Variants in TBCK observed in about 807,000 individuals in gnomAD.
TBCK encodes TBC domain-containing protein kinase-like protein.
Under a neutral mutation model 113.4 loss-of-function variants are expected in TBCK, and 99 were observed. That is an observed-to-expected ratio of 0.87 (90% CI 0.74 to 1.03). The LOEUF is 1.03. Among genes scored for constraint, TBCK ranks in the 50% least tolerant of loss-of-function variants. TBCK has a pLI of 0.00. For missense variants in TBCK, 1,045 were observed against 1,061.3 expected (o/e 0.98, Z 0.21); for synonymous variants, 369 against 370.8 (o/e 1.00, Z 0.05).
At chr4:106,244,570 G>A in intron 11 of TBCK, 56 bp downstream of exon 11, 3 of 1,299,464 alleles carry the variant, frequency 2.3e-6, no homozygotes, top group Non-Finnish European at 3.0e-6. Context: ...TATTACCATA[G>A]AATTATTACC....
At chr4:106,292,436 G>C (rs1018229861) in intron 3 of TBCK, among the ~76,000 whole-genome samples, 3 of 151,998 alleles carry the variant, frequency 2.0e-5, no homozygotes, top group African/African-American at 7.3e-5. Context: ...AAGGCATGGT[G>C]GTGGGCGCCT....
rs1402517455 is a variant in TBCK, at chr4:106,107,451, CAAAATAA to C, written c.2411+8745_2411+8751del. On this transcript the variant is annotated intron_variant, in intron 24 of 25. Coordinates refer to ENST00000394708, the MANE Select transcript of TBCK (RefSeq NM_001163435.3). ...TTCCAAACACTCTCTCAGACCACAG[CAAAATAA>C]AAATAGAAGTCAACACAATAAAAAT... is the stretch of plus-strand genomic sequence containing the variant. Among the ~76,000 whole-genome samples the C allele has an allele frequency of 2.6e-5, 4 of 152,156 alleles. No individual in the cohort carries two copies. In the East Asian group the frequency reaches 7.7e-4, roughly 29 times the overall value.
At chr4:106,221,284 C>T (rs1757649062) in intron 19 of TBCK, among the ~76,000 whole-genome samples, 4 of 151,996 alleles carry the variant, frequency 2.6e-5, no homozygotes, top group Admixed American at 2.6e-4. Context: ...TGTGCCTGGC[C>T]AACACTGATG....
intron 24 of TBCK, among the ~76,000 whole-genome samples, chr4:106,103,094 A>G (rs1168122632): frequency 6.6e-6 from 1 of 152,232 alleles, no homozygotes; most frequent in Non-Finnish European, 1.5e-5. Flanking sequence ...AATTTTTATT[A>G]AAAAGATTTT....
At chr4:106,176,619 G>T (rs1247610375) in intron 22 of TBCK, among the ~76,000 whole-genome samples, 3 of 151,960 alleles carry the variant, frequency 2.0e-5, no homozygotes, top group African/African-American at 7.2e-5. Context: ...GTTGGCTATT[G>T]TGAATAGTGC....
intron 4 of TBCK, 65 bp downstream of exon 4, chr4:106,262,033 C>G: frequency 1.2e-6 from 1 of 844,524 alleles, no homozygotes; most frequent in Admixed American, 2.4e-5. Flanking sequence ...ACTGAGTAGC[C>G]CTGATCCCAG....
intron 23 of TBCK, among the ~76,000 whole-genome samples, chr4:106,119,927 A>G (rs1424309161): frequency 6.6e-6 from 1 of 152,222 alleles, no homozygotes; most frequent in African/African-American, 2.4e-5. Flanking sequence ...ACTAATAAAG[A>G]GAGAAATGCA....
intron 2 of TBCK, among the ~76,000 whole-genome samples, chr4:106,299,106 T>G (rs1464133225): frequency 2.0e-5 from 3 of 152,192 alleles, no homozygotes; most frequent in Non-Finnish European, 4.4e-5. Context: ...CAGTAGTACA[T>G]CACAGGAGCC....
At chr4:106,231,073 T>C (rs1001478685) in intron 18 of TBCK, among the ~76,000 whole-genome samples, 3 of 151,750 alleles carry the variant, frequency 2.0e-5, no homozygotes, top group African/African-American at 7.2e-5. Context: ...TGAAATAGAA[T>C]CTGAAAATAG....
chr4:106,153,794 C>T (rs1385079245), intron 23 of TBCK, among the ~76,000 whole-genome samples: 1 of 151,880 alleles, frequency 6.6e-6, no homozygotes, highest in Non-Finnish European at 1.5e-5. Context: ...ACCCATTTAC[C>T]ATTATATAAT....
intron 23 of TBCK, among the ~76,000 whole-genome samples, chr4:106,134,030 A>C (rs905946786): frequency 1.6e-5 from 2 of 127,682 alleles, no homozygotes; most frequent in East Asian, 2.4e-4. Context: ...CAAAAACAAA[A>C]AAAAAAACAA....
rs540569563 is a variant in TBCK at position 106,244,514 on chromosome 4, A to T, written c.1070+112T>A. 3,582 of 1,004,738 alleles carry T rather than the reference A, an allele frequency of 3.6e-3. 6 individuals are homozygous for T. Among genetic ancestry groups the T allele is most frequent in the Non-Finnish European group, 4.4e-3 (3,392 of 765,058 alleles). 62.2% of individuals were successfully genotyped at this position (1,004,738 alleles called of 1,614,324 possible). On this transcript the variant is annotated intron_variant, in intron 11 of 25. Transcript: ENST00000394708. ...CTGGGATGCCTACCAAAAAAATTTT[A>T]AAAACAACCAATTTAAAAAAAAAAA...
intron 7 of TBCK, among the ~76,000 whole-genome samples, chr4:106,249,715 T>A (rs1761216965): frequency 6.6e-6 from 1 of 152,160 alleles, no homozygotes; most frequent in African/African-American, 2.4e-5. Context: ...AGCTGTAGTA[T>A]CAATCTTTGT....
intron 3 of TBCK, among the ~76,000 whole-genome samples, chr4:106,293,350 G>A (rs979421639): frequency 3.9e-5 from 6 of 152,162 alleles, no homozygotes; most frequent in African/African-American, 1.4e-4. Context: ...GACTTTGGGT[G>A]TCACTGTCTC....
intron 25 of TBCK, among the ~76,000 whole-genome samples, chr4:106,087,102 GAAAT>G (rs1208838835): frequency 2.0e-5 from 3 of 152,136 alleles, no homozygotes; most frequent in Non-Finnish European, 4.4e-5. Context: ...GCAAGAGAAA[GAAAT>G]AAAGGGTATT....
intron 12 of TBCK, among the ~76,000 whole-genome samples, chr4:106,237,290 T>G (rs1313769074): frequency 6.6e-6 from 1 of 152,116 alleles, no homozygotes; most frequent in Non-Finnish European, 1.5e-5. Flanking sequence ...CACATCATAC[T>G]TTGAACATGT....
intron 23 of TBCK, among the ~76,000 whole-genome samples, chr4:106,170,532 C>A (rs1054938789): frequency 2.0e-5 from 3 of 151,938 alleles, no homozygotes; most frequent in Admixed American, 1.3e-4. Context: ...TAGAAAGTGC[C>A]ATATCTGAAA....
chr4:106,152,817 T>C (rs1191341430), intron 23 of TBCK, among the ~76,000 whole-genome samples: 1 of 152,108 alleles, frequency 6.6e-6, no homozygotes, highest in African/African-American at 2.4e-5. Context: ...GTAGGTTGTA[T>C]GTATCTAGGC....
chr4:106,124,754 A>G (rs1334406380), intron 23 of TBCK, among the ~76,000 whole-genome samples: 17 of 152,080 alleles, frequency 1.1e-4, no homozygotes, highest in Non-Finnish European at 2.5e-4. Context: ...CGCAAGAACA[A>G]AAAACCAAAC....
Sources: allele counts gnomAD v4.1 joint callset (sites outside exome capture counted in the v4.1 genomes callset), GRCh38; gene constraint gnomAD v4.1.1; transcripts MANE v1.5; gene names NCBI Gene and HGNC (gene_info 2026-07-23, HGNC 2026-07-21).